Variants in PLCB1 observed in about 807,000 individuals in gnomAD.
PLCB1 encodes phospholipase C beta 1.
PLCB1 carries 46 observed loss-of-function variants against 161.8 expected under a neutral mutation model. The observed-to-expected ratio is 0.28, with a 90% CI of 0.22 to 0.36. The LOEUF (loss-of-function observed/expected upper bound fraction) is 0.36. PLCB1 is among the 10% of genes least tolerant of loss of function. PLCB1 has a pLI of 1.00. For synonymous variants in PLCB1, 517 were observed against 503.7 expected (o/e 1.03, Z -0.35); for missense variants, 1,016 against 1,472.5 (o/e 0.69, Z 5.07).
chr20:8,600,895 C>G (rs1408491148), intron 3 of PLCB1: 16 of 149,498 alleles, frequency 1.1e-4, no homozygotes, highest in South Asian at 2.1e-4. Flanking sequence ...TTCTTTGACT[C>G]AGAAAGGGAA....
intron 26 of PLCB1, among the ~76,000 whole-genome samples, chr20:8,766,246 A>G (rs1421498317): frequency 6.6e-6 from 1 of 152,208 alleles, no homozygotes; most frequent in Non-Finnish European, 1.5e-5. Context: ...ATAATAAACA[A>G]CAAACACACA....
chr20:8,733,702 A>C (rs186106271), intron 19 of PLCB1, among the ~76,000 whole-genome samples: 2 of 150,222 alleles, frequency 1.3e-5, no homozygotes, highest in South Asian at 2.1e-4. Flanking sequence ...TGACGAGTTA[A>C]TGGGTGCAGC....
chr20:8,762,626 C>A (rs558219084), intron 25 of PLCB1, among the ~76,000 whole-genome samples: 1 of 152,068 alleles, frequency 6.6e-6, no homozygotes, highest in Non-Finnish European at 1.5e-5. Flanking sequence ...ATTATAAATT[C>A]TTAATGTAAT....
At position 8,804,824 on chromosome 20, in the gene PLCB1, T is replaced by C. The variant is rs1021630640; in HGVS notation, c.3423+14563T>C. Among the ~76,000 whole-genome samples, 11 of 152,092 alleles carry C rather than the reference T, an allele frequency of 7.2e-5. 1 individual carries two copies. The highest frequency in any genetic ancestry group is 2.0e-4 in the Admixed American group (3 of 15,280). ...GACCAAAATGGTGAAACCCCATCTC[T>C]ACTAAAAATACAAAAAATTAGCCGG... On this transcript the variant is annotated intron_variant, in intron 31 of 31. Coordinates refer to ENST00000338037, the MANE Select transcript of PLCB1 (RefSeq NM_015192.4).
chr20:8,585,952 C>A lies in PLCB1; in HGVS notation c.247-42342C>A, dbSNP rs147412549. 7.5e-3 allele frequency among the ~76,000 whole-genome samples: 1,143 copies of A among 152,184 alleles called. 15 individuals carry two copies. Among genetic ancestry groups the A allele is most frequent in the African/African-American group, 0.026 (1,079 of 41,538 alleles). On this transcript the variant is annotated intron_variant, in intron 3 of 31. Transcript: ENST00000338037. ...TTATTTTTCCCGTTAGATTGTAAAA[C>A]CTCCTTCAGAAGAGTTTTGTTTGAC... is the stretch of plus-strand genomic sequence containing the variant.
chr20:8,821,112 C>G (rs907969623), intron 31 of PLCB1, among the ~76,000 whole-genome samples: 1 of 152,022 alleles, frequency 6.6e-6, no homozygotes, highest in African/African-American at 2.4e-5. Flanking sequence ...ATTTTACCCT[C>G]TTTTATATGT....
chr20:8,499,865 C>T (rs1350349719), intron 3 of PLCB1, among the ~76,000 whole-genome samples: 1 of 152,140 alleles, frequency 6.6e-6, no homozygotes, highest in Non-Finnish European at 1.5e-5. Flanking sequence ...GTTTTCGGTG[C>T]AGGGAACACT....
At chr20:8,487,520 C>T (rs1982779519) in intron 3 of PLCB1, among the ~76,000 whole-genome samples, 1 of 152,162 alleles carries the variant, frequency 6.6e-6, no homozygotes, top group African/African-American at 2.4e-5. Flanking sequence ...GAAGGGTTTT[C>T]AAGAACTCCA....
chr20:8,641,468 C>G lies in PLCB1; in HGVS notation c.385-4634C>G, dbSNP rs146691245. ...GAATGCGAGGCAGAACTATGAGATCCCACATAAGTTATGAAACAACACACA... is the reference window on the plus strand; with the variant it reads ...GAATGCGAGGCAGAACTATGAGATCGCACATAAGTTATGAAACAACACACA... On this transcript the variant is annotated intron_variant, in intron 4 of 31. Transcript: ENST00000338037. Among the ~76,000 whole-genome samples the G allele has an allele frequency of 2.4e-3, 371 of 152,294 alleles. 1 individual carries two copies. Among genetic ancestry groups the G allele is most frequent in the South Asian group, 4.6e-3 (22 of 4,828 alleles).
At chr20:8,668,980 G>A (rs1025337097) in intron 9 of PLCB1, among the ~76,000 whole-genome samples, 1 of 152,144 alleles carries the variant, frequency 6.6e-6, no homozygotes, top group Non-Finnish European at 1.5e-5. Context: ...GCAGTTGCGT[G>A]GACACTTTAA....
At chr20:8,212,512 CTT>C (rs10536272) in intron 2 of PLCB1, among the ~76,000 whole-genome samples, 31,523 of 151,942 alleles carry the variant, frequency 0.21, 3,340 homozygotes, top group South Asian at 0.28. Context: ...CTCTGAGTCA[CTT>C]TGTTACCATT....
At chr20:8,361,554 AATG>A (rs1250961371) in intron 2 of PLCB1, among the ~76,000 whole-genome samples, 2 of 152,160 alleles carry the variant, frequency 1.3e-5, no homozygotes, top group Non-Finnish European at 2.9e-5. Context: ...CTTGTTCCCA[AATG>A]ATGATGATGC....
At chr20:8,136,385 G>A (rs1420069015) in intron 1 of PLCB1, among the ~76,000 whole-genome samples, 1 of 152,148 alleles carries the variant, frequency 6.6e-6, no homozygotes, top group African/African-American at 2.4e-5. Flanking sequence ...CTAGCACTTT[G>A]GGAAGCCGAG....
intron 3 of PLCB1, among the ~76,000 whole-genome samples, chr20:8,434,013 C>T (rs1980185584): frequency 2.0e-5 from 3 of 152,166 alleles, no homozygotes; most frequent in African/African-American, 4.8e-5. Flanking sequence ...GATTTTCAAT[C>T]ACAGTGAGGA....
chr20:8,760,035 A>T (rs1363925822), intron 24 of PLCB1, among the ~76,000 whole-genome samples: 1 of 151,216 alleles, frequency 6.6e-6, no homozygotes, highest in Non-Finnish European at 1.5e-5. Flanking sequence ...CCAACCAGGT[A>T]GCTGGGATTA....
At chr20:8,409,904 T>TC (rs34197579) in intron 3 of PLCB1, among the ~76,000 whole-genome samples, 1 of 151,890 alleles carries the variant, frequency 6.6e-6, no homozygotes, top group African/African-American at 2.4e-5. Context: ...GGGGATGAGG[T>TC]CCCCCCATTG....
At chr20:8,870,509 A>G (rs1246076399) in intron 31 of PLCB1, among the ~76,000 whole-genome samples, 1 of 152,186 alleles carries the variant, frequency 6.6e-6, no homozygotes, top group African/African-American at 2.4e-5. Context: ...ATATATGCAT[A>G]TATAGAGGAG....
At chr20:8,379,906 T>C (rs191339162) in intron 3 of PLCB1, among the ~76,000 whole-genome samples, 1 of 152,342 alleles carries the variant, frequency 6.6e-6, no homozygotes, top group Admixed American at 6.5e-5. Context: ...TCTCCCATTC[T>C]GTAGGTTGCC....
At chr20:8,630,514 A>G (rs1464809781) in intron 4 of PLCB1, among the ~76,000 whole-genome samples, 1 of 152,192 alleles carries the variant, frequency 6.6e-6, no homozygotes, top group Non-Finnish European at 1.5e-5. Flanking sequence ...ATTTATTTCT[A>G]TAGTATCATT....
Sources: allele counts gnomAD v4.1 joint callset (sites outside exome capture counted in the v4.1 genomes callset), GRCh38; gene constraint gnomAD v4.1.1; transcripts MANE v1.5; gene names NCBI Gene and HGNC (gene_info 2026-07-23, HGNC 2026-07-21).